The following PDE10A variants were observed in gnomAD, a reference collection of about 807,000 sequenced individuals.
PDE10A encodes cAMP and cAMP-inhibited cGMP 3',5'-cyclic phosphodiesterase 10A.
In PDE10A, 39 loss-of-function variants were observed where a neutral mutation model predicts 97.7. The ratio of observed to expected loss-of-function variants is 0.40; its 90% confidence interval spans 0.31 to 0.52. PDE10A has a LOEUF of 0.52. PDE10A is among the 20% of genes least tolerant of loss of function. The pLI, the probability that PDE10A is intolerant of heterozygous loss-of-function variation, is 0.56. For synonymous variants in PDE10A, 371 were observed against 376.8 expected, an observed-to-expected ratio of 0.98 and a Z score of 0.18; for missense variants, 731 against 1,047.8, an observed-to-expected ratio of 0.70 and a Z score of 4.17.
At chr6:165,927,681 T>TATA (rs61054628) in intron 1 of PDE10A, among the ~76,000 whole-genome samples, 5 of 120,216 alleles carry the variant, frequency 4.2e-5, no homozygotes, top group Non-Finnish European at 6.8e-5. Flanking sequence ...TATATATAGT[T>TATA]TTTTGTTTGT....
intron 1 of PDE10A, among the ~76,000 whole-genome samples, chr6:165,858,233 C>A (rs75066061): frequency 0.042 from 6,414 of 152,238 alleles, 163 homozygotes; most frequent in Middle Eastern, 0.078. Context: ...AAAAGACTTA[C>A]AACATTCTTC....
At chr6:165,688,464 G>A (rs554738469) in intron 1 of PDE10A, among the ~76,000 whole-genome samples, 160 of 152,328 alleles carry the variant, frequency 1.1e-3, no homozygotes, top group Non-Finnish European at 2.0e-3. Flanking sequence ...GGGCAACTCA[G>A]GGGGCTTCCC....
At chr6:165,438,956 T>TAA (rs10711465) in intron 5 of PDE10A, among the ~76,000 whole-genome samples, 3 of 132,788 alleles carry the variant, frequency 2.3e-5, no homozygotes, top group Non-Finnish European at 3.2e-5. Flanking sequence ...AGACCCTGCT[T>TAA]AAAAAAAAAA....
intron 1 of PDE10A, among the ~76,000 whole-genome samples, chr6:165,804,846 C>A (rs575971963): frequency 6.6e-6 from 1 of 151,444 alleles, no homozygotes; most frequent in African/African-American, 2.4e-5. Flanking sequence ...GCTGCAGCTC[C>A]GAAGCTCCCA....
chr6:165,439,196 A>G (rs1370968102), intron 5 of PDE10A, among the ~76,000 whole-genome samples: 1 of 152,164 alleles, frequency 6.6e-6, no homozygotes, highest in Admixed American at 6.5e-5. Flanking sequence ...TGGAAACACC[A>G]GACATTATTT....
intron 2 of PDE10A, among the ~76,000 whole-genome samples, chr6:165,519,146 T>C (rs1468891588): frequency 6.6e-6 from 1 of 152,042 alleles, no homozygotes; most frequent in Non-Finnish European, 1.5e-5. Context: ...TAAGCTAGAA[T>C]AGGGAACAAG....
At chr6:165,516,588 A>G (rs1459544454) in intron 2 of PDE10A, among the ~76,000 whole-genome samples, 1 of 152,202 alleles carries the variant, frequency 6.6e-6, no homozygotes, top group African/African-American at 2.4e-5. Context: ...CATGTTAAGC[A>G]TACGAGGACA....
At chr6:165,372,460 A>G (rs1583141795) in intron 18 of PDE10A, among the ~76,000 whole-genome samples, 1 of 120,864 alleles carries the variant, frequency 8.3e-6, no homozygotes, top group South Asian at 2.5e-4. Context: ...CCAAATCATG[A>G]GTGAACTCCC....
rs149853480 is a variant in PDE10A at position 165,507,283 on chromosome 6, A to G, written c.995-24940T>C. 2.0e-3 allele frequency among the ~76,000 whole-genome samples: 301 copies of G among 152,192 alleles called. 1 individual carries two copies. Among genetic ancestry groups the G allele is most frequent in the African/African-American group, 6.8e-3 (282 of 41,534 alleles). Reference sequence around the variant, plus strand: ...TTTGTTCCTGCAATCAAGGCTAGCTAGAGTTCCGTTTGGAGTAGACTGACT... The same window carrying G: ...TTTGTTCCTGCAATCAAGGCTAGCTGGAGTTCCGTTTGGAGTAGACTGACT... On this transcript the variant is annotated intron_variant, in intron 2 of 21. Coordinates refer to ENST00000539869, the MANE Select transcript of PDE10A (RefSeq NM_001385079.1).
chr6:165,529,319 T>C (rs548931400), intron 2 of PDE10A, among the ~76,000 whole-genome samples: 38 of 152,344 alleles, frequency 2.5e-4, no homozygotes, highest in African/African-American at 8.7e-4. Context: ...AGTATTACCA[T>C]GCCCTGTGAT....
At chr6:165,334,600 A>G (rs1781540722) in intron 21 of PDE10A, among the ~76,000 whole-genome samples, 1 of 152,222 alleles carries the variant, frequency 6.6e-6, no homozygotes, top group Non-Finnish European at 1.5e-5. Context: ...TTGAATTTAC[A>G]TTGATATCCC....
chr6:165,865,182 C>T (rs1256245244), intron 1 of PDE10A, among the ~76,000 whole-genome samples: 1 of 152,170 alleles, frequency 6.6e-6, no homozygotes, highest in Non-Finnish European at 1.5e-5. Context: ...TCACAGACAC[C>T]ACCAACACTG....
chr6:165,882,230 C>T (rs540862899), intron 1 of PDE10A, among the ~76,000 whole-genome samples: 61 of 152,242 alleles, frequency 4.0e-4, no homozygotes, highest in Non-Finnish European at 7.1e-4. Context: ...CATGGAACTT[C>T]TTCAGTTTTA....
intron 2 of PDE10A, among the ~76,000 whole-genome samples, chr6:165,497,428 TAG>T (rs1370667931): frequency 2.0e-5 from 3 of 152,194 alleles, no homozygotes; most frequent in Non-Finnish European, 4.4e-5. Context: ...TTTTATTTTA[TAG>T]AGATGAGAAA....
At chr6:165,625,884 G>A (rs1016823870) in intron 1 of PDE10A, among the ~76,000 whole-genome samples, 1 of 152,174 alleles carries the variant, frequency 6.6e-6, no homozygotes, top group African/African-American at 2.4e-5. Flanking sequence ...AACTTTCCAT[G>A]AAAACACTGA....
intron 1 of PDE10A, among the ~76,000 whole-genome samples, chr6:165,570,269 T>TA (rs1784988600): frequency 6.6e-6 from 1 of 152,146 alleles, no homozygotes; most frequent in Non-Finnish European, 1.5e-5. Context: ...AAATATTGTG[T>TA]CAAAAATAAT....
chr6:165,369,105 T>C (rs942216687), intron 18 of PDE10A, among the ~76,000 whole-genome samples: 1 of 151,408 alleles, frequency 6.6e-6, no homozygotes. Context: ...AGACCAAAAG[T>C]AGATAAAACC....
intron 1 of PDE10A, among the ~76,000 whole-genome samples, chr6:165,653,475 G>T (rs1361913869): frequency 6.6e-6 from 1 of 152,172 alleles, no homozygotes; most frequent in African/African-American, 2.4e-5. Context: ...CATGACACAG[G>T]GCAGAAGCAC....
At chr6:165,803,829 C>T (rs1263773947) in intron 1 of PDE10A, among the ~76,000 whole-genome samples, 1 of 152,160 alleles carries the variant, frequency 6.6e-6, no homozygotes, top group African/African-American at 2.4e-5. Context: ...TTAGAGAACT[C>T]ACAGAATCTT....
Sources: gnomAD v4.1 joint callset for allele counts (sites outside exome capture counted in the v4.1 genomes callset) on GRCh38, gnomAD v4.1.1 for gene constraint, MANE v1.5 for transcripts, NCBI Gene and HGNC (gene_info 2026-07-23, HGNC 2026-07-21) for gene names.